Variants in GALK2 observed in about 807,000 individuals in gnomAD.
The protein encoded by GALK2 is galactokinase 2.
GALK2 carries 36 observed loss-of-function variants against 52.4 expected under a neutral mutation model. The ratio of observed to expected loss-of-function variants is 0.69; its 90% CI spans 0.53 to 0.91. GALK2 has a LOEUF of 0.91. GALK2 is among the 40% of genes least tolerant of loss of function. The pLI is 0.00. For synonymous variants in GALK2, 176 were observed against 199.1 expected (o/e 0.88, Z 0.98); for missense variants, 579 against 559.1 (o/e 1.04, Z -0.36).
At chr15:49,239,134 T>G (rs2090975129) in intron 4 of GALK2, 87 bp from the exon 5 acceptor site, 2 of 1,162,612 alleles carry the variant, frequency 1.7e-6, no homozygotes, top group Non-Finnish European at 2.5e-6. Context: ...ATTGATAGAC[T>G]TTTGTTCTCT....
intron 3 of GALK2, among the ~76,000 whole-genome samples, chr15:49,225,503 G>A (rs1367217150): frequency 6.6e-6 from 1 of 152,190 alleles, no homozygotes; most frequent in African/African-American, 2.4e-5. Flanking sequence ...TCCAATGCTT[G>A]ATGATCTGAG....
intron 1 of GALK2, among the ~76,000 whole-genome samples, chr15:49,178,024 C>T (rs1158312903): frequency 6.6e-6 from 1 of 150,820 alleles, no homozygotes; most frequent in Admixed American, 6.6e-5. Flanking sequence ...CAAAAATTAG[C>T]TGGGTGTGGT....
At position 49,328,784 on chromosome 15, in the gene GALK2, T is replaced by C. The variant is rs2037996329; in HGVS notation, c.*625T>C. The C allele has an allele frequency of 7.0e-7, 1 of 1,426,384 alleles. No individual in the cohort carries two copies. The highest frequency in any genetic ancestry group is 9.2e-7 in the Non-Finnish European group (1 of 1,090,192). The allele number at this position is 1,426,384 out of a possible 1,614,324, so 88.4% of individuals were successfully genotyped here. ...ATCAAGAGACTAAGGATTTTTTTTT[T>C]TTTTTGACAAAAGGAGGATACAGGA... On this transcript the variant is annotated 3_prime_UTR_variant, in exon 10 of 10. Coordinates refer to ENST00000560031, the MANE Select transcript of GALK2 (RefSeq NM_002044.4).
At position 49,253,278 on chromosome 15, in the gene GALK2, G is replaced by T. The variant is rs2091685603; in HGVS notation, c.504+13911G>T. 1.4e-5 allele frequency among the ~76,000 whole-genome samples: 2 copies of T among 141,292 alleles called. 1 individual carries two copies. The highest frequency in any genetic ancestry group is 3.2e-5 in the Non-Finnish European group (2 of 62,914). 92.7% of individuals were successfully genotyped at this position (141,292 alleles called of 152,430 possible). A position where few individuals can be genotyped will look rare whatever the true frequency, so the allele number is the denominator to read the frequency against. ...ACACAGGGAGCCTCATAGACTCAGG[G>T]ATTTTACTTAGCATCTCTCAGGAGA... On this transcript the variant is annotated intron_variant, in intron 5 of 9. Coordinates refer to ENST00000560031, the MANE Select transcript of GALK2 (RefSeq NM_002044.4).
chr15:49,221,792 T>C (rs2089815534), intron 3 of GALK2, among the ~76,000 whole-genome samples: 1 of 152,196 alleles, frequency 6.6e-6, no homozygotes, highest in African/African-American at 2.4e-5. Context: ...TACCTTGCTG[T>C]TTGGGTTTTT....
At chr15:49,217,413 T>G in intron 3 of GALK2, 100 bp downstream of exon 3, 1 of 1,168,314 alleles carries the variant, frequency 8.6e-7, no homozygotes, top group Non-Finnish European at 1.2e-6. Flanking sequence ...TCATTTAACT[T>G]ATTGATATTT....
intron 5 of GALK2, among the ~76,000 whole-genome samples, chr15:49,280,621 A>T (rs2032549874): frequency 6.6e-6 from 1 of 152,176 alleles, no homozygotes; most frequent in Non-Finnish European, 1.5e-5. Context: ...TGATTATATC[A>T]GTTTTTCAGA....
chr15:49,236,321 C>G (rs2090804711), intron 4 of GALK2, among the ~76,000 whole-genome samples: 1 of 152,098 alleles, frequency 6.6e-6, no homozygotes. Context: ...CTGGGCTCTT[C>G]TCAGCTGTGG....
intron 1 of GALK2, chr15:49,178,521 G>C (rs2085703102): frequency 3.6e-6 from 1 of 278,326 alleles, no homozygotes; most frequent in African/African-American, 2.3e-5. Flanking sequence ...TTAGGAACTG[G>C]GCATTTTCGG....
Position 49,239,364 on chromosome 15 carries a change from C to T in GALK2, c.501C>T (p.Ser167=), listed in dbSNP as rs764352990. 4 of 1,612,938 alleles carry T rather than the reference C, an allele frequency of 2.5e-6. No homozygotes were observed. Among genetic ancestry groups the T allele is most frequent in the Non-Finnish European group, 3.4e-6 (4 of 1,179,204 alleles). The change falls in exon 5 of 10, where the codon TCC becomes TCT. Residue 167 remains serine, a synonymous_variant. Coordinates refer to ENST00000560031, the MANE Select transcript of GALK2 (RefSeq NM_002044.4). The stretch of plus-strand genomic sequence containing the variant: ...TCACAGTGCTGGGAAGGAATCTATC[C>T]AAGGTAACTACCTTTGATAGGAAAC... The part of the protein sequence containing the change: ...VTLTVLGRNL[S]KVELAEICAK...
At chr15:49,291,940 T>G (rs1345685784) in intron 7 of GALK2, among the ~76,000 whole-genome samples, 1 of 152,162 alleles carries the variant, frequency 6.6e-6, no homozygotes, top group Non-Finnish European at 1.5e-5. Flanking sequence ...GAGATTTAAG[T>G]AGTTTTCTCT....
chr15:49,259,174 T>C (rs1480085653), intron 5 of GALK2, among the ~76,000 whole-genome samples: 4 of 151,536 alleles, frequency 2.6e-5, no homozygotes, highest in Admixed American at 2.6e-4. Context: ...AAGTGAGTAG[T>C]TCCATTATTT....
intron 4 of GALK2, among the ~76,000 whole-genome samples, chr15:49,239,013 T>G (rs1221332498): frequency 4.0e-5 from 6 of 151,862 alleles, no homozygotes; most frequent in Non-Finnish European, 8.8e-5. Context: ...GCAAGAAAAT[T>G]AAAGGCATTT....
chr15:49,343,037 G>A (rs1417620227), intron 3 of GALK2, among the ~76,000 whole-genome samples: 1 of 152,058 alleles, frequency 6.6e-6, no homozygotes, highest in Non-Finnish European at 1.5e-5. Context: ...GGTGTTCTCT[G>A]AATTTCTTGA....
exon 1 of GALK2, chr15:49,155,786 G>T: frequency 2.9e-6 from 2 of 678,380 alleles, no homozygotes; most frequent in Non-Finnish European, 5.0e-6. Context: ...AGTGGTTGGT[G>T]CCTTAGCAAC....
rs561334042 is a variant in GALK2, at chr15:49,326,845, C to T, written c.1170-1107C>T. The T allele has an allele frequency of 2.0e-5, 3 of 151,904 alleles. No individual in the cohort carries two copies. The East Asian group carries it at 5.8e-4, about 29-fold the overall frequency. The allele number at this position is 151,904 out of a possible 1,614,324, so 9.4% of individuals were successfully genotyped here. ...GAAATCAACTGAGAAGAATCACTGACAGGAAAATCAATTACTGACATGCAG... is the reference window on the plus strand; with the variant it reads ...GAAATCAACTGAGAAGAATCACTGATAGGAAAATCAATTACTGACATGCAG... On this transcript the variant is annotated intron_variant, in intron 9 of 9. Transcript: ENST00000560031.
chr15:49,282,072 C>A lies in GALK2; in HGVS notation c.590C>A (p.Ala197Glu), dbSNP rs1567017304. 1 of 1,610,930 alleles carries A rather than the reference C, an allele frequency of 6.2e-7. No homozygotes were observed. The change falls in exon 6 of 10, where the codon GCA (alanine) becomes GAA (glutamate). Residue 197 changes from alanine (A) to glutamate (E), a missense_variant. Coordinates refer to ENST00000560031, the MANE Select transcript of GALK2 (RefSeq NM_002044.4). ...GGMDQSISFL[A>E]EEGTAKLIEF... ...ATGGACCAGTCTATATCATTTCTTG[C>A]AGAAGAAGGAACTGTAGGTAGCATT... is the stretch of plus-strand genomic sequence containing the variant.
At chr15:49,187,914 T>C (rs76298777) in intron 1 of GALK2, among the ~76,000 whole-genome samples, 259 of 152,208 alleles carry the variant, frequency 1.7e-3, no homozygotes, top group African/African-American at 6.0e-3. Context: ...CCAGGAGTCC[T>C]TGGGTGGTCT....
chr15:49,347,045 C>G (rs2041609160), intron 3 of GALK2, among the ~76,000 whole-genome samples: 1 of 152,124 alleles, frequency 6.6e-6, no homozygotes, highest in Non-Finnish European at 1.5e-5. Flanking sequence ...GAATCTTACC[C>G]AGATTCTAAA....
Sources: gnomAD v4.1 joint callset for allele counts (sites outside exome capture counted in the v4.1 genomes callset) on GRCh38, gnomAD v4.1.1 for gene constraint, MANE v1.5 for transcripts, NCBI Gene and HGNC (gene_info 2026-07-23, HGNC 2026-07-21) for gene names.